EXOC2: variants seen among roughly 807,000 people sequenced by gnomAD.
EXOC2 encodes SEC5-like 1.
In EXOC2, 70 loss-of-function variants were observed where a neutral mutation model predicts 131.8. That is an observed-to-expected ratio of 0.53 (90% CI 0.44 to 0.65). The LOEUF (loss-of-function observed/expected upper bound fraction) is 0.65, where lower values mean the gene tolerates loss of function less well. EXOC2 is among the 30% of genes least tolerant of loss of function. EXOC2 has a pLI of 0.00. For missense variants in EXOC2, 923 were observed against 1,108.6 expected (o/e 0.83, Z 2.38); for synonymous variants, 411 against 398.4 (o/e 1.03, Z -0.38).
Position 572,595 on chromosome 6 carries a change from T to C in EXOC2, c.1368A>G (p.Thr456=), listed in dbSNP as rs1340535637. ...PHRVAFVEKL[T]KLVLSQLPNF... is the part of the protein sequence containing the mutation. ...TAGGCAGCTGGCTCAAGACGAGTTT[T>C]GTCAATTTTTCAACAAAGGCCACCC... The change falls in exon 13 of 28, where the codon ACA becomes ACG. Residue 456 remains threonine (T), a synonymous_variant. Transcript: ENST00000230449. 1 of 1,614,048 alleles carries C rather than the reference T, an allele frequency of 6.2e-7. No individual in the cohort carries two copies. Among genetic ancestry groups the C allele is most frequent in the East Asian group, 2.2e-5 (1 of 44,898 alleles).
At position 576,888 on chromosome 6, in the gene EXOC2, GAAGA is replaced by G; in HGVS notation, c.1193-10_1193-7del. ...ACTGTGCAGGCCTGGGTTACCTGGG[GAAGA>G]AAGGAGAGATATACAGAGTATATAG... On this transcript the variant is annotated splice_region_variant and splice_polypyrimidine_tract_variant and intron_variant, in intron 11 of 27. Coordinates refer to ENST00000230449, the MANE Select transcript of EXOC2 (RefSeq NM_018303.6). 6.2e-7 allele frequency: 1 copy of G among 1,613,634 alleles called. No individual in the cohort carries two copies. Among genetic ancestry groups the G allele is most frequent in the South Asian group, 1.1e-5 (1 of 91,004 alleles).
chr6:589,777 G>A (rs1759429675), intron 11 of EXOC2, among the ~76,000 whole-genome samples: 2 of 152,334 alleles, frequency 1.3e-5, no homozygotes, highest in African/African-American at 2.4e-5. Context: ...TTGGCACGGA[G>A]GGAAGGGGTA....
At chr6:618,786 T>A (rs1174404243) in intron 5 of EXOC2, among the ~76,000 whole-genome samples, 1 of 152,230 alleles carries the variant, frequency 6.6e-6, no homozygotes, top group Non-Finnish European at 1.5e-5. Context: ...TATATTAAGG[T>A]ATATTTTAAC....
intron 21 of EXOC2, among the ~76,000 whole-genome samples, chr6:549,548 G>A (rs1046074541): frequency 6.6e-6 from 1 of 152,164 alleles, no homozygotes; most frequent in Non-Finnish European, 1.5e-5. Flanking sequence ...CAGCTTGGAT[G>A]GAAAAACAGA....
At chr6:598,998 G>C in intron 8 of EXOC2, 57 bp from the exon 9 acceptor site, 3 of 1,563,020 alleles carry the variant, frequency 1.9e-6, no homozygotes, top group Non-Finnish European at 2.6e-6. Context: ...AAGACATTTG[G>C]TTAATATAAA....
chr6:567,419 G>A (rs918844648), intron 13 of EXOC2, among the ~76,000 whole-genome samples: 1 of 152,070 alleles, frequency 6.6e-6, no homozygotes, highest in Admixed American at 6.5e-5. Flanking sequence ...CTGATATTCT[G>A]TCTTACAACC....
chr6:525,788 T>C (rs887267813), intron 23 of EXOC2, among the ~76,000 whole-genome samples: 2 of 152,206 alleles, frequency 1.3e-5, no homozygotes, highest in Non-Finnish European at 2.9e-5. Flanking sequence ...ATGAAATAGA[T>C]ACATTGTCTT....
intron 23 of EXOC2, among the ~76,000 whole-genome samples, chr6:510,656 T>C (rs1350899163): frequency 1.3e-3 from 191 of 152,330 alleles, no homozygotes; most frequent in African/African-American, 4.3e-3. Flanking sequence ...GTCTGATGTG[T>C]AGAACAGACC....
chr6:618,369 CA>C (rs1261501315), intron 5 of EXOC2, among the ~76,000 whole-genome samples: 2 of 152,148 alleles, frequency 1.3e-5, no homozygotes, highest in Non-Finnish European at 2.9e-5. Context: ...AGGAAGACCA[CA>C]ATATCTCATC....
At chr6:507,427 C>T (rs1014249453) in intron 23 of EXOC2, among the ~76,000 whole-genome samples, 17 of 151,400 alleles carry the variant, frequency 1.1e-4, no homozygotes, top group African/African-American at 4.1e-4. Flanking sequence ...GGGACACACC[C>T]AGGTTTAATA....
At chr6:680,419 G>C (rs1463897431) in intron 1 of EXOC2, among the ~76,000 whole-genome samples, 1 of 152,234 alleles carries the variant, frequency 6.6e-6, no homozygotes, top group Non-Finnish European at 1.5e-5. Context: ...ATGCACACCA[G>C]GGGTCAATTA....
intron 1 of EXOC2, among the ~76,000 whole-genome samples, chr6:661,446 C>A (rs1581650833): frequency 6.6e-6 from 1 of 152,214 alleles, no homozygotes; most frequent in African/African-American, 2.4e-5. Flanking sequence ...CAGCAGATTT[C>A]TCAGCAGAAA....
chr6:586,448 T>G (rs1289301729), intron 11 of EXOC2, among the ~76,000 whole-genome samples: 3 of 152,242 alleles, frequency 2.0e-5, no homozygotes, highest in Non-Finnish European at 4.4e-5. Flanking sequence ...TTATTTACAT[T>G]GCACATATAA....
intron 22 of EXOC2, among the ~76,000 whole-genome samples, chr6:546,381 A>G (rs1328098327): frequency 6.6e-6 from 1 of 152,220 alleles, no homozygotes; most frequent in Non-Finnish European, 1.5e-5. Flanking sequence ...AATGTAGAAG[A>G]AGATGATTTG....
chr6:646,638 T>A (rs187288608), intron 1 of EXOC2, among the ~76,000 whole-genome samples: 2 of 152,316 alleles, frequency 1.3e-5, no homozygotes, highest in South Asian at 4.1e-4. Context: ...ACATTTGACA[T>A]CAGCAAAATG....
At chr6:512,551 T>C (rs2127506729) in intron 23 of EXOC2, among the ~76,000 whole-genome samples, 1 of 152,358 alleles carries the variant, frequency 6.6e-6, no homozygotes, top group Admixed American at 6.5e-5. Context: ...AGGCTATTCC[T>C]AGTTAAATTC....
intron 23 of EXOC2, among the ~76,000 whole-genome samples, chr6:516,560 C>T (rs1158108640): frequency 1.3e-5 from 2 of 152,148 alleles, no homozygotes; most frequent in Non-Finnish European, 2.9e-5. Flanking sequence ...TTCCAATGCC[C>T]CACGAAGTCT....
At chr6:678,707 C>A (rs900178487) in intron 1 of EXOC2, among the ~76,000 whole-genome samples, 2 of 152,142 alleles carry the variant, frequency 1.3e-5, no homozygotes, top group African/African-American at 4.8e-5. Context: ...GGCTCCAGGG[C>A]AACAGGGGGA....
At chr6:627,162 T>C (rs576643329) in intron 4 of EXOC2, among the ~76,000 whole-genome samples, 1 of 151,554 alleles carries the variant, frequency 6.6e-6, no homozygotes, top group Non-Finnish European at 1.5e-5. Flanking sequence ...CTTTCCTTCC[T>C]TTTATCTTTC....
Sources: gnomAD v4.1 joint callset for allele counts (sites outside exome capture counted in the v4.1 genomes callset) on GRCh38, gnomAD v4.1.1 for gene constraint, MANE v1.5 for transcripts, NCBI Gene and HGNC (gene_info 2026-07-23, HGNC 2026-07-21) for gene names.